Variants in MYO1D observed in about 807,000 individuals in gnomAD.
MYO1D encodes unconventional myosin-Id.
Under a neutral mutation model 122.0 loss-of-function variants are expected in MYO1D, and 83 were observed. The observed-to-expected ratio is 0.68, with a 90% CI of 0.57 to 0.82. The LOEUF (loss-of-function observed/expected upper bound fraction) is 0.82, where lower values mean the gene tolerates loss of function less well. Among genes scored for constraint, MYO1D ranks in the 40% least tolerant of loss-of-function variants. The pLI, the probability that MYO1D is intolerant of heterozygous loss-of-function variation, is 0.00. For missense variants in MYO1D, 1,157 were observed against 1,269.5 expected, an observed-to-expected ratio of 0.91 and a Z score of 1.35; for synonymous variants, 464 against 446.9, an observed-to-expected ratio of 1.04 and a Z score of -0.48.
chr17:32,594,286 T>C (rs1217508961), intron 21 of MYO1D: 2 of 330,724 alleles, frequency 6.0e-6, no homozygotes, highest in Non-Finnish European at 1.1e-5. Context: ...CTAAGAAAGT[T>C]AACATGTTGC....
chr17:32,525,339 T>A (rs1350902307), intron 21 of MYO1D, among the ~76,000 whole-genome samples: 1 of 152,278 alleles, frequency 6.6e-6, no homozygotes, highest in African/African-American at 2.4e-5. Context: ...CCTCACTAAC[T>A]GTTCAAATGA....
At chr17:32,507,621 A>G (rs1298453499) in intron 21 of MYO1D, among the ~76,000 whole-genome samples, 1 of 152,200 alleles carries the variant, frequency 6.6e-6, no homozygotes, top group Non-Finnish European at 1.5e-5. Flanking sequence ...AGAATAAAAT[A>G]ACAATATAAC....
In MYO1D at chr17:32,530,566, C is replaced by T. The variant is rs1045966727; in HGVS notation, c.2865-35651G>A. ...CTGTAATCCCTGCACTTTGGGAGGCCGAGGTGGGAGGATCACTTGAGTCCA... is the reference window on the plus strand; with the variant it reads ...CTGTAATCCCTGCACTTTGGGAGGCTGAGGTGGGAGGATCACTTGAGTCCA... On this transcript the variant is annotated intron_variant, in intron 21 of 21. Transcript: ENST00000318217. Among the ~76,000 whole-genome samples, 7 of 152,182 alleles carry T rather than the reference C, an allele frequency of 4.6e-5. 1 individual carries two copies. In the Middle Eastern group the frequency reaches 0.017, roughly 372 times the overall value.
Position 32,694,849 on chromosome 17 carries a change from C to T in MYO1D, c.2121+17139G>A, listed in dbSNP as rs116144909. Among the ~76,000 whole-genome samples, 552 of 152,192 alleles carry T rather than the reference C, an allele frequency of 3.6e-3. 3 individuals carry two copies. The highest frequency in any genetic ancestry group is 0.012 in the African/African-American group (515 of 41,504). ...CATACCCCACACTACTACCATCTTCCAGATATGCCCCTGCTTCTGTACCTT... is the reference window on the plus strand; with the variant it reads ...CATACCCCACACTACTACCATCTTCTAGATATGCCCCTGCTTCTGTACCTT... On this transcript the variant is annotated intron_variant, in intron 16 of 21. Coordinates refer to ENST00000318217, the MANE Select transcript of MYO1D (RefSeq NM_015194.3).
chr17:32,577,941 G>T (rs1371242185), intron 21 of MYO1D, among the ~76,000 whole-genome samples: 2 of 152,032 alleles, frequency 1.3e-5, no homozygotes, highest in Admixed American at 6.5e-5. Context: ...GGATTTCACT[G>T]TGTTAGCCAG....
intron 15 of MYO1D, among the ~76,000 whole-genome samples, chr17:32,715,151 G>A (rs1164783875): frequency 1.3e-5 from 2 of 152,122 alleles, no homozygotes; most frequent in African/African-American, 4.8e-5. Flanking sequence ...TTAGTAAAAA[G>A]TCAAGAAACA....
chr17:32,669,672 C>T (rs1249723375), intron 16 of MYO1D, among the ~76,000 whole-genome samples: 3 of 152,070 alleles, frequency 2.0e-5, no homozygotes, highest in Admixed American at 6.5e-5. Flanking sequence ...TCCAAAGAAC[C>T]AGGTTCTATC....
At chr17:32,790,020 CA>C (rs2090334028) in intron 1 of MYO1D, among the ~76,000 whole-genome samples, 1 of 152,118 alleles carries the variant, frequency 6.6e-6, no homozygotes, top group Admixed American at 6.6e-5. Flanking sequence ...TTCTTCCTTA[CA>C]AATAAAGAAA....
At chr17:32,563,206 CTTTTTTTT>C (rs1279675450) in intron 21 of MYO1D, among the ~76,000 whole-genome samples, 2 of 95,984 alleles carry the variant, frequency 2.1e-5, no homozygotes, top group Non-Finnish European at 4.0e-5. Context: ...TTTCTTCTCT[CTTTTTTTT>C]TTTTTTTTTT....
At chr17:32,779,414 TG>T (rs2090213023) in intron 2 of MYO1D, among the ~76,000 whole-genome samples, 2 of 150,694 alleles carry the variant, frequency 1.3e-5, no homozygotes, top group African/African-American at 4.9e-5. Context: ...GAAACACCAA[TG>T]AAAAGATATT....
At chr17:32,686,372 A>C (rs2089006800) in intron 16 of MYO1D, 1 of 152,202 alleles carries the variant, frequency 6.6e-6, no homozygotes, top group African/African-American at 2.4e-5. Flanking sequence ...TTTCCCCTGT[A>C]ACCTTTGGAA....
chr17:32,783,011 T>C (rs1217016594), intron 1 of MYO1D, among the ~76,000 whole-genome samples: 1 of 152,118 alleles, frequency 6.6e-6, no homozygotes, highest in Non-Finnish European at 1.5e-5. Flanking sequence ...ATATAACAAC[T>C]GTTCAAAGAC....
At chr17:32,874,494 A>G (rs1292639139) in intron 1 of MYO1D, among the ~76,000 whole-genome samples, 1 of 152,108 alleles carries the variant, frequency 6.6e-6, no homozygotes, top group African/African-American at 2.4e-5. Context: ...ACTATTCTTT[A>G]AATCAATAGA....
intron 1 of MYO1D, among the ~76,000 whole-genome samples, chr17:32,802,543 T>C (rs988210291): frequency 1.3e-5 from 2 of 152,212 alleles, no homozygotes; most frequent in African/African-American, 4.8e-5. Context: ...AAGAAAAATA[T>C]TTTTCACTGT....
chr17:32,825,455 C>T (rs2090713026), intron 1 of MYO1D, among the ~76,000 whole-genome samples: 1 of 152,090 alleles, frequency 6.6e-6, no homozygotes, highest in Non-Finnish European at 1.5e-5. Flanking sequence ...CCACGCCTGG[C>T]TAATTTTTGT....
At chr17:32,594,860 G>A (rs909598075) in intron 21 of MYO1D, among the ~76,000 whole-genome samples, 2 of 152,138 alleles carry the variant, frequency 1.3e-5, no homozygotes, top group African/African-American at 4.8e-5. Context: ...TTATGAAACT[G>A]CTGATCTGAG....
At chr17:32,629,292 T>C (rs2087970927) in intron 20 of MYO1D, among the ~76,000 whole-genome samples, 1 of 152,112 alleles carries the variant, frequency 6.6e-6, no homozygotes, top group Non-Finnish European at 1.5e-5. Flanking sequence ...TGTGATACTG[T>C]AATGGTGGAT....
At chr17:32,724,135 T>A (rs888617727) in intron 14 of MYO1D, among the ~76,000 whole-genome samples, 14 of 149,514 alleles carry the variant, frequency 9.4e-5, no homozygotes, top group Admixed American at 3.3e-4. Flanking sequence ...AGGCACTGTT[T>A]ACTTAAGGAT....
chr17:32,737,691 G>A (rs1567617726), intron 14 of MYO1D, among the ~76,000 whole-genome samples: 1 of 152,102 alleles, frequency 6.6e-6, no homozygotes, highest in Non-Finnish European at 1.5e-5. Context: ...TATTGTCCAG[G>A]CTGGTCTCAA....
Sources: gnomAD v4.1 joint callset for allele counts (sites outside exome capture counted in the v4.1 genomes callset) on GRCh38, gnomAD v4.1.1 for gene constraint, MANE v1.5 for transcripts, NCBI Gene and HGNC (gene_info 2026-07-23, HGNC 2026-07-21) for gene names.